Variants in MALRD1 observed in about 807,000 individuals in gnomAD.
The protein encoded by MALRD1 is MAM and LDL receptor class A domain containing 1.
MALRD1 carries 247 observed loss-of-function variants against 242.1 expected under a neutral mutation model. The ratio of observed to expected loss-of-function variants is 1.02; its 90% confidence interval spans 0.92 to 1.13. The LOEUF (loss-of-function observed/expected upper bound fraction) is 1.13, where lower values mean the gene tolerates loss of function less well. MALRD1 is among the 50% of genes most tolerant of loss of function. MALRD1 has a pLI of 0.00. For synonymous variants in MALRD1, 995 were observed against 866.6 expected (o/e 1.15, Z -2.60); for missense variants, 2,989 against 2,533.1 (o/e 1.18, Z -3.86).
intron 28 of MALRD1, among the ~76,000 whole-genome samples, chr10:19,426,707 G>T (rs1177845693): frequency 6.6e-6 from 1 of 152,106 alleles, no homozygotes. Context: ...GGAGGCTGAG[G>T]CAAGAGAATC....
At chr10:19,691,167 A>G (rs1445184394) in intron 36 of MALRD1, among the ~76,000 whole-genome samples, 1 of 152,090 alleles carries the variant, frequency 6.6e-6, no homozygotes, top group Admixed American at 6.6e-5. Context: ...CAAATACCCC[A>G]ATCTCTCACA....
chr10:19,171,481 CATATATACACACACAT>C lies in MALRD1; in HGVS notation c.1831-3720_1831-3705del, dbSNP rs1225139110. 1.3e-3 allele frequency among the ~76,000 whole-genome samples: 182 copies of C among 136,940 alleles called. 5 individuals are homozygous for C. Among genetic ancestry groups the C allele is most frequent in the African/African-American group, 4.9e-3 (170 of 34,874 alleles). The allele number at this position is 136,940 out of a possible 152,430, so 89.8% of individuals were successfully genotyped here. Reference sequence around the variant, plus strand: ...ATACACACATGTATATACACACACACATATATACACACACATATATATGTGTCTATGTGTGTATATA... The same window carrying C: ...ATACACACATGTATATACACACACACATATATGTGTCTATGTGTGTATATA... On this transcript the variant is annotated intron_variant, in intron 13 of 39. Coordinates refer to ENST00000454679, the MANE Select transcript of MALRD1 (RefSeq NM_001142308.3).
intron 5 of MALRD1, 62 bp from the exon 6 acceptor site, chr10:19,123,430 A>T: frequency 1.0e-6 from 1 of 988,830 alleles, no homozygotes; most frequent in Non-Finnish European, 1.3e-6. Context: ...ATTAAAGCAA[A>T]ATACTTGAGT....
chr10:19,546,095 A>C (rs909288957), intron 32 of MALRD1, among the ~76,000 whole-genome samples: 13 of 152,086 alleles, frequency 8.5e-5, no homozygotes, highest in African/African-American at 2.9e-4. Context: ...ATTCTGTTTA[A>C]TGTAGTGTCT....
At chr10:19,644,021 AG>A (rs11285330) in intron 36 of MALRD1, among the ~76,000 whole-genome samples, 6,498 of 152,160 alleles carry the variant, frequency 0.043, 422 homozygotes, top group African/African-American at 0.14. Context: ...TTGTTCAAAG[AG>A]CTCTCTCCTC....
In MALRD1 at chr10:19,212,893, G is replaced by A. The variant is rs564671916; in HGVS notation, c.2991+3213G>A. Among the ~76,000 whole-genome samples, 7 of 150,822 alleles carry A rather than the reference G, an allele frequency of 4.6e-5. No individual in the cohort carries two copies. In the South Asian group the frequency reaches 1.5e-3, roughly 32 times the overall value. On this transcript the variant is annotated intron_variant, in intron 18 of 39. Coordinates refer to ENST00000454679, the MANE Select transcript of MALRD1 (RefSeq NM_001142308.3). ...ACCAAACAAATGTCTACTTTGAAAT[G>A]TCTGTTCCAGTCTTTCACCCAAGTT...
At chr10:19,498,364 G>T in intron 30 of MALRD1, 121 bp from the exon 31 acceptor site, 2 of 843,380 alleles carry the variant, frequency 2.4e-6, no homozygotes, top group Non-Finnish European at 3.6e-6. Context: ...TCTTGATGCT[G>T]TAAGTGTATT....
At chr10:19,426,962 C>T (rs1833926885) in intron 28 of MALRD1, among the ~76,000 whole-genome samples, 1 of 152,052 alleles carries the variant, frequency 6.6e-6, no homozygotes, top group African/African-American at 2.4e-5. Flanking sequence ...ATGTGCATGT[C>T]TATATTTGCA....
chr10:19,588,488 A>G (rs1837565596), intron 33 of MALRD1, among the ~76,000 whole-genome samples: 1 of 152,216 alleles, frequency 6.6e-6, no homozygotes, highest in Non-Finnish European at 1.5e-5. Context: ...AAACCTGAGT[A>G]AAGACCTGGT....
At chr10:19,616,779 A>T (rs894789369) in intron 36 of MALRD1, among the ~76,000 whole-genome samples, 5 of 152,030 alleles carry the variant, frequency 3.3e-5, no homozygotes, top group Non-Finnish European at 5.9e-5. Flanking sequence ...CTACCAATTA[A>T]AACAATAACA....
At position 19,242,134 on chromosome 10, in the gene MALRD1, A is replaced by T. The variant is rs146185999; in HGVS notation, c.2992-15550A>T. ...AGAGGTTTAGTGGACTCATAGTTCC[A>T]CTTGGCTGGGGAGGTCTCCCAATCG... On this transcript the variant is annotated intron_variant, in intron 18 of 39. Coordinates refer to ENST00000454679, the MANE Select transcript of MALRD1 (RefSeq NM_001142308.3). Among the ~76,000 whole-genome samples, 890 of 152,280 alleles carry T rather than the reference A, an allele frequency of 5.8e-3. 4 individuals carry two copies. The highest frequency in any genetic ancestry group is 9.9e-3 in the Non-Finnish European group (675 of 68,000).
At chr10:19,360,939 T>A (rs918945539) in intron 26 of MALRD1, among the ~76,000 whole-genome samples, 1 of 152,092 alleles carries the variant, frequency 6.6e-6, no homozygotes, top group African/African-American at 2.4e-5. Flanking sequence ...TTCTTTCATA[T>A]AGCTTTACTA....
chr10:19,659,104 C>G (rs1841303168), intron 36 of MALRD1, among the ~76,000 whole-genome samples: 1 of 152,186 alleles, frequency 6.6e-6, no homozygotes, highest in Admixed American at 6.5e-5. Flanking sequence ...GGACAGAGAG[C>G]TCTTCCTATT....
At position 19,621,248 on chromosome 10, in the gene MALRD1, G is replaced by A. The variant is rs560600112; in HGVS notation, c.6137+5325G>A. Among the ~76,000 whole-genome samples, 10 of 146,228 alleles carry A rather than the reference G, an allele frequency of 6.8e-5. No homozygotes were observed. In the South Asian group the frequency reaches 8.8e-4, roughly 13 times the overall value. On this transcript the variant is annotated intron_variant, in intron 36 of 39. Transcript: ENST00000454679. The stretch of plus-strand genomic sequence containing the variant: ...TCAAGACCTTGAACTCCAATTCCAA[G>A]TTAAATTAAATATTATTTATAAAAC...
intron 33 of MALRD1, among the ~76,000 whole-genome samples, chr10:19,592,350 C>T (rs1245251510): frequency 4.6e-5 from 7 of 152,226 alleles, no homozygotes; most frequent in East Asian, 1.9e-4. Flanking sequence ...CATGGCTCTT[C>T]GTAGATGCCC....
chr10:19,629,500 C>T (rs540527982), intron 36 of MALRD1, among the ~76,000 whole-genome samples: 154 of 152,258 alleles, frequency 1.0e-3, no homozygotes, highest in African/African-American at 3.5e-3. Context: ...AAGCTCACTC[C>T]ATCACCCATC....
At chr10:19,474,422 T>G (rs1836636116) in intron 29 of MALRD1, among the ~76,000 whole-genome samples, 1 of 152,160 alleles carries the variant, frequency 6.6e-6, no homozygotes, top group South Asian at 2.1e-4. Flanking sequence ...AATAGTCAAG[T>G]CTTTGTTTGC....
chr10:19,336,242 G>A (rs1205065037), intron 24 of MALRD1, among the ~76,000 whole-genome samples: 3 of 152,136 alleles, frequency 2.0e-5, no homozygotes, highest in Non-Finnish European at 4.4e-5. Context: ...TCATGCCATT[G>A]ATACAGAGAC....
chr10:19,666,113 A>G (rs911244783), intron 36 of MALRD1, among the ~76,000 whole-genome samples: 2 of 152,088 alleles, frequency 1.3e-5, no homozygotes, highest in African/African-American at 4.8e-5. Context: ...GGCATGTGCC[A>G]TCTGGCTACC....
Sources: gnomAD v4.1 joint callset for allele counts (sites outside exome capture counted in the v4.1 genomes callset) on GRCh38, gnomAD v4.1.1 for gene constraint, MANE v1.5 for transcripts, NCBI Gene and HGNC (gene_info 2026-07-23, HGNC 2026-07-21) for gene names.